TRABD2B: variants seen among roughly 807,000 people sequenced by gnomAD.
TRABD2B encodes TraB domain containing 2B.
TRABD2B carries 14 observed loss-of-function variants against 40.1 expected under a neutral mutation model. The observed-to-expected ratio is 0.35, with a 90% CI of 0.23 to 0.55. The LOEUF (loss-of-function observed/expected upper bound fraction) is 0.55, where lower values mean the gene tolerates loss of function less well. TRABD2B is among the 20% of genes least tolerant of loss of function. The pLI is 0.90. For missense variants in TRABD2B, 541 were observed against 648.6 expected (o/e 0.83, Z 1.80); for synonymous variants, 263 against 277.0 (o/e 0.95, Z 0.50).
chr1:47,931,539 C>A (rs541861820), intron 2 of TRABD2B, among the ~76,000 whole-genome samples: 1 of 152,286 alleles, frequency 6.6e-6, no homozygotes, highest in South Asian at 2.1e-4. Flanking sequence ...GCCGTTCCCA[C>A]TTCCTGTCTC....
intron 2 of TRABD2B, among the ~76,000 whole-genome samples, chr1:47,848,916 T>C (rs1161808731): frequency 6.6e-6 from 1 of 152,248 alleles, no homozygotes; most frequent in Non-Finnish European, 1.5e-5. Context: ...ATCTTCCCTA[T>C]GGACATGGCT....
chr1:47,766,431 T>C (rs1644304178), intron 6 of TRABD2B, among the ~76,000 whole-genome samples: 1 of 152,086 alleles, frequency 6.6e-6, no homozygotes, highest in Admixed American at 6.5e-5. Context: ...GGGAGATAGA[T>C]CTGGGGTACC....
chr1:47,770,216 T>C (rs1245209373), intron 6 of TRABD2B, among the ~76,000 whole-genome samples: 3 of 152,190 alleles, frequency 2.0e-5, no homozygotes, highest in African/African-American at 7.2e-5. Context: ...CAGGTGGCCC[T>C]CTGCCTGGGG....
intron 2 of TRABD2B, among the ~76,000 whole-genome samples, chr1:47,957,877 C>T (rs888017798): frequency 1.4e-4 from 21 of 152,050 alleles, no homozygotes; most frequent in Admixed American, 1.3e-4. Context: ...AGATATTCTT[C>T]GATAAGAGCA....
intron 2 of TRABD2B, among the ~76,000 whole-genome samples, chr1:47,834,598 C>T (rs1299401314): frequency 6.6e-6 from 1 of 152,218 alleles, no homozygotes; most frequent in Admixed American, 6.5e-5. Flanking sequence ...CACACACACA[C>T]ACACAGAGCC....
intron 2 of TRABD2B, among the ~76,000 whole-genome samples, chr1:47,880,844 G>A (rs913024076): frequency 1.3e-5 from 2 of 152,214 alleles, no homozygotes; most frequent in African/African-American, 4.8e-5. Context: ...TTATGCTTGG[G>A]CCCCCACTTG....
chr1:47,788,749 T>A (rs1458554382), intron 4 of TRABD2B, among the ~76,000 whole-genome samples: 1 of 152,196 alleles, frequency 6.6e-6, no homozygotes, highest in African/African-American at 2.4e-5. Flanking sequence ...GAAGTTAGAA[T>A]TATACTCAGA....
chr1:47,846,777 C>T (rs925466893), intron 2 of TRABD2B, among the ~76,000 whole-genome samples: 6 of 151,734 alleles, frequency 4.0e-5, no homozygotes, highest in African/African-American at 1.2e-4. Context: ...TATAGATCAT[C>T]CACCTAGACT....
chr1:47,967,467 A>G (rs1645620977), intron 2 of TRABD2B, among the ~76,000 whole-genome samples: 1 of 152,178 alleles, frequency 6.6e-6, no homozygotes, highest in African/African-American at 2.4e-5. Context: ...CACCACATCC[A>G]TACACTTGAC....
chr1:47,968,569 C>T (rs753641513), intron 2 of TRABD2B, among the ~76,000 whole-genome samples: 1 of 152,318 alleles, frequency 6.6e-6, no homozygotes, highest in African/African-American at 2.4e-5. Context: ...CACACACACA[C>T]GCTCCAAGAC....
intron 2 of TRABD2B, among the ~76,000 whole-genome samples, chr1:47,838,805 G>A (rs1459496590): frequency 1.3e-5 from 2 of 152,218 alleles, no homozygotes; most frequent in African/African-American, 4.8e-5. Flanking sequence ...TCAGCACACT[G>A]GGGCCTGACC....
chr1:47,961,358 C>A (rs867028006), intron 2 of TRABD2B, among the ~76,000 whole-genome samples: 124 of 152,172 alleles, frequency 8.1e-4, no homozygotes, highest in African/African-American at 2.7e-3. Context: ...CAAAATTGAC[C>A]AATGGGATCT....
At chr1:47,869,967 C>G (rs1644117506) in intron 2 of TRABD2B, among the ~76,000 whole-genome samples, 1 of 152,186 alleles carries the variant, frequency 6.6e-6, no homozygotes, top group South Asian at 2.1e-4. Context: ...CCCTGGGTAT[C>G]AGTCAGGATC....
At chr1:47,766,195 C>A in intron 6 of TRABD2B, 89 bp from the exon 7 acceptor site, 1 of 671,628 alleles carries the variant, frequency 1.5e-6, no homozygotes, top group South Asian at 1.6e-5. Flanking sequence ...TTTTTCAGGT[C>A]TATTTTGCCT....
At chr1:47,992,247 T>G (rs908995671) in intron 2 of TRABD2B, among the ~76,000 whole-genome samples, 5 of 152,178 alleles carry the variant, frequency 3.3e-5, no homozygotes, top group Non-Finnish European at 5.9e-5. Context: ...CTTTGGAGAC[T>G]GTCAGCAGGC....
rs1489658334 is a variant in TRABD2B, at chr1:47,828,604, A to G, written c.667-26985T>C. The stretch of plus-strand genomic sequence containing the variant: ...GCCAGAGCATGCCGAGGCCAGAGGT[A>G]TAAGTCCCTTTGGTCAGGAACTCTA... On this transcript the variant is annotated intron_variant, in intron 2 of 6. Coordinates refer to ENST00000606738, the MANE Select transcript of TRABD2B (RefSeq NM_001194986.2). Among the ~76,000 whole-genome samples, 8 of 152,234 alleles carry G rather than the reference A, an allele frequency of 5.3e-5. 1 individual carries two copies. In the East Asian group the frequency reaches 1.3e-3, roughly 26 times the overall value.
At chr1:47,960,700 G>C (rs897289940) in intron 2 of TRABD2B, among the ~76,000 whole-genome samples, 7 of 152,060 alleles carry the variant, frequency 4.6e-5, no homozygotes, top group Non-Finnish European at 1.0e-4. Flanking sequence ...CACTGCTCAA[G>C]GAAATAAAAG....
intron 2 of TRABD2B, among the ~76,000 whole-genome samples, chr1:47,931,635 G>A (rs527852202): frequency 2.0e-5 from 3 of 152,212 alleles, no homozygotes; most frequent in South Asian, 2.1e-4. Flanking sequence ...GGCAAGTATC[G>A]CAGCTGCCAT....
At chr1:47,791,775 A>C (rs1644676755) in intron 4 of TRABD2B, among the ~76,000 whole-genome samples, 1 of 152,202 alleles carries the variant, frequency 6.6e-6, no homozygotes, top group Non-Finnish European at 1.5e-5. Flanking sequence ...GACTTCCCTC[A>C]CCACAGCTTT....
Sources: allele counts gnomAD v4.1 joint callset (sites outside exome capture counted in the v4.1 genomes callset), GRCh38; gene constraint gnomAD v4.1.1; transcripts MANE v1.5; gene names NCBI Gene and HGNC (gene_info 2026-07-23, HGNC 2026-07-21).